The following ASIC2 variants were observed in gnomAD, a reference collection of about 807,000 sequenced individuals.
The protein encoded by ASIC2 is acid-sensing ion channel 2.
In ASIC2, 25 loss-of-function variants were observed where a neutral mutation model predicts 57.3. That is an observed-to-expected ratio of 0.44 (90% CI 0.32 to 0.61). The LOEUF is 0.61. Ranked by LOEUF, ASIC2 falls within the 20% of genes least tolerant of loss-of-function variation. The probability of loss-of-function intolerance (pLI) is 0.06; values close to 1 mark genes in which losing one functional copy is unlikely to be tolerated. For synonymous variants in ASIC2, 319 were observed against 307.5 expected, an observed-to-expected ratio of 1.04 and a Z score of -0.39; for missense variants, 641 against 738.1, an observed-to-expected ratio of 0.87 and a Z score of 1.52.
At chr17:33,663,925 T>C (rs1167711776) in intron 1 of ASIC2, among the ~76,000 whole-genome samples, 2 of 152,186 alleles carry the variant, frequency 1.3e-5, no homozygotes, top group African/African-American at 4.8e-5. Context: ...TACCGCCAGC[T>C]GCCCCAAACC....
intron 1 of ASIC2, chr17:34,001,130 A>G (rs1906325789): frequency 6.6e-6 from 1 of 152,180 alleles, no homozygotes; most frequent in Non-Finnish European, 1.5e-5. Flanking sequence ...TGGTGGGATC[A>G]TGTTTCTATG....
At chr17:33,222,727 G>T (rs1015140112) in intron 1 of ASIC2, among the ~76,000 whole-genome samples, 4 of 152,124 alleles carry the variant, frequency 2.6e-5, no homozygotes, top group Admixed American at 2.0e-4. Flanking sequence ...ATGGGGATTT[G>T]TAATCTAGTC....
intron 3 of ASIC2, among the ~76,000 whole-genome samples, chr17:33,078,901 T>G (rs988905764): frequency 6.6e-5 from 10 of 151,786 alleles, no homozygotes; most frequent in African/African-American, 2.2e-4. Flanking sequence ...GATGAGAGAG[T>G]AGGACAGGAA....
chr17:33,508,147 T>C (rs1914321753), intron 1 of ASIC2, among the ~76,000 whole-genome samples: 1 of 151,834 alleles, frequency 6.6e-6, no homozygotes, highest in Non-Finnish European at 1.5e-5. Flanking sequence ...CCTCCCCTTC[T>C]TTTACTTCCG....
At chr17:34,126,684 G>C (rs1369385975) in intron 1 of ASIC2, among the ~76,000 whole-genome samples, 1 of 152,310 alleles carries the variant, frequency 6.6e-6, no homozygotes, top group South Asian at 2.1e-4. Context: ...GAGGTTCTCT[G>C]ACTCTGAACG....
At chr17:33,485,052 T>C (rs1280275466) in intron 1 of ASIC2, among the ~76,000 whole-genome samples, 2 of 152,252 alleles carry the variant, frequency 1.3e-5, no homozygotes, top group African/African-American at 4.8e-5. Flanking sequence ...CTTCAATTCT[T>C]TCCTGGGTGA....
At chr17:33,492,259 C>T (rs922836979) in intron 1 of ASIC2, among the ~76,000 whole-genome samples, 3 of 152,202 alleles carry the variant, frequency 2.0e-5, no homozygotes, top group Non-Finnish European at 2.9e-5. Flanking sequence ...TCCCATTTCA[C>T]GGATGAGGAA....
chr17:33,672,019 T>G (rs866185462), intron 1 of ASIC2, among the ~76,000 whole-genome samples: 22 of 152,294 alleles, frequency 1.4e-4, no homozygotes, highest in Middle Eastern at 3.4e-3. Context: ...CCTATTCATT[T>G]GGAGGTTTGA....
intron 1 of ASIC2, among the ~76,000 whole-genome samples, chr17:33,872,902 A>G (rs1914455814): frequency 6.6e-6 from 1 of 152,132 alleles, no homozygotes; most frequent in Non-Finnish European, 1.5e-5. Flanking sequence ...ACCAGCAAAT[A>G]GTAAAGGAGG....
At chr17:33,223,921 A>T (rs1055181954) in intron 1 of ASIC2, among the ~76,000 whole-genome samples, 1 of 152,226 alleles carries the variant, frequency 6.6e-6, no homozygotes, top group Non-Finnish European at 1.5e-5. Flanking sequence ...GGAGAAGATA[A>T]GTCAAAGGGC....
intron 1 of ASIC2, among the ~76,000 whole-genome samples, chr17:33,403,604 CT>C (rs1296367730): frequency 6.6e-6 from 1 of 152,210 alleles, no homozygotes; most frequent in Admixed American, 6.5e-5. Flanking sequence ...CTACAAGCCC[CT>C]GAGTAAGTGA....
intron 1 of ASIC2, among the ~76,000 whole-genome samples, chr17:33,876,023 T>C (rs1914538095): frequency 6.6e-6 from 1 of 152,044 alleles, no homozygotes; most frequent in Non-Finnish European, 1.5e-5. Flanking sequence ...AATAAAAAAA[T>C]AAAAATGGGT....
At chr17:33,834,244 T>C (rs1345190180) in intron 1 of ASIC2, 2 of 152,254 alleles carry the variant, frequency 1.3e-5, no homozygotes, top group African/African-American at 4.8e-5. Context: ...GCCACTCATC[T>C]AGGTAGGGGG....
chr17:34,107,793 T>TC (rs1412518533), intron 1 of ASIC2, among the ~76,000 whole-genome samples: 1 of 152,226 alleles, frequency 6.6e-6, no homozygotes, highest in Non-Finnish European at 1.5e-5. Context: ...CAGTTTGCTT[T>TC]CAGTTTTAGG....
intron 1 of ASIC2, among the ~76,000 whole-genome samples, chr17:33,320,973 G>T (rs1404743357): frequency 6.6e-6 from 1 of 152,186 alleles, no homozygotes; most frequent in Non-Finnish European, 1.5e-5. Flanking sequence ...TATTCATTCT[G>T]CATGGAAGGT....
chr17:33,368,244 G>A (rs1029536272), intron 1 of ASIC2, among the ~76,000 whole-genome samples: 1 of 152,204 alleles, frequency 6.6e-6, no homozygotes, highest in African/African-American at 2.4e-5. Context: ...ATGCACCTTG[G>A]GAGCTGACAT....
chr17:33,553,560 T>C (rs1440924436), intron 1 of ASIC2, among the ~76,000 whole-genome samples: 1 of 152,012 alleles, frequency 6.6e-6, no homozygotes, highest in Non-Finnish European at 1.5e-5. Flanking sequence ...GGCCTTGAAC[T>C]CCTGGGCTTG....
chr17:33,213,378 A>G (rs545655262), intron 1 of ASIC2, among the ~76,000 whole-genome samples: 2 of 152,318 alleles, frequency 1.3e-5, no homozygotes, highest in Admixed American at 1.3e-4. Flanking sequence ...AATTTCAGGG[A>G]AGAGAAGGAA....
chr17:33,415,375 T>A (rs1910807086), intron 1 of ASIC2, among the ~76,000 whole-genome samples: 1 of 152,242 alleles, frequency 6.6e-6, no homozygotes, highest in South Asian at 2.1e-4. Context: ...ATGGAAATGC[T>A]ATGTAAATAG....
Sources: gnomAD v4.1 joint callset for allele counts (sites outside exome capture counted in the v4.1 genomes callset) on GRCh38, gnomAD v4.1.1 for gene constraint, MANE v1.5 for transcripts, NCBI Gene and HGNC (gene_info 2026-07-23, HGNC 2026-07-21) for gene names.